SCGB1D4: variants seen among roughly 807,000 people sequenced by gnomAD.
SCGB1D4 encodes secretoglobin family 1D member 4.
A neutral mutation model predicts 8.1 loss-of-function variants in SCGB1D4; 6 were observed. The observed-to-expected ratio is 0.74, with a 90% CI of 0.40 to 1.45. The LOEUF (loss-of-function observed/expected upper bound fraction) is 1.45, where lower values mean the gene tolerates loss of function less well. Ranked by LOEUF, SCGB1D4 falls within the 40% of genes most tolerant of loss-of-function variation. The pLI is 0.02. For synonymous variants in SCGB1D4, 34 were observed against 38.1 expected (o/e 0.89, Z 0.39); for missense variants, 93 against 95.0 (o/e 0.98, Z 0.09).
At position 62,299,016 on chromosome 11, in the gene SCGB1D4, C is replaced by A. The variant is rs1565140130; in HGVS notation, c.-6G>T. 6.2e-7 allele frequency: 1 copy of A among 1,613,142 alleles called. No homozygotes were observed. On this transcript the variant is annotated 5_prime_UTR_variant, in exon 1 of 3. Coordinates refer to ENST00000358585, the MANE Select transcript of SCGB1D4 (RefSeq NM_206998.2). Reference sequence around the variant, plus strand: ...AGACACACTGACAGCCTCATGGTGGCTTATTCGGCTGTGAGCTCAGCTTTC... The same window carrying A: ...AGACACACTGACAGCCTCATGGTGGATTATTCGGCTGTGAGCTCAGCTTTC...
intron 1 of SCGB1D4, 83 bp downstream of exon 1, chr11:62,298,873 C>T: frequency 7.1e-7 from 1 of 1,418,176 alleles, no homozygotes; most frequent in Non-Finnish European, 9.7e-7. Context: ...CAGACCCCAA[C>T]CCAAAGCACA....
intron 1 of SCGB1D4, 140 bp downstream of exon 1, chr11:62,298,816 T>C: frequency 1.7e-6 from 1 of 605,880 alleles, no homozygotes; most frequent in Non-Finnish European, 2.7e-6. Flanking sequence ...TTATGAATCT[T>C]ATTCAACAAG....
Position 62,298,971 on chromosome 11 carries a change from G to A in SCGB1D4, c.40C>T (p.Leu14Phe), listed in dbSNP as rs1050844423. The A allele has an allele frequency of 1.2e-6, 2 of 1,613,960 alleles. No homozygotes were observed. Among genetic ancestry groups the A allele is most frequent in the Non-Finnish European group, 1.7e-6 (2 of 1,179,906 alleles). ...SVCLLMVSLA[L>F]CCYQAHALVC... The stretch of plus-strand genomic sequence containing the variant: ...ATGTACTCACCCTGGTAGCAGCAAA[G>A]GGCCAGCGAGACCATCAGGAGACAC... Residue 14 changes from leucine (L) to phenylalanine (F), a missense_variant, in exon 1 of 3, where the codon CTT becomes TTT. Transcript: ENST00000358585.
At position 62,296,427 on chromosome 11, in the gene SCGB1D4, CA is replaced by C. The variant is rs35328961; in HGVS notation, c.243-9del. 26 of 1,590,990 alleles carry C rather than the reference CA, an allele frequency of 1.6e-5. No homozygotes were observed. Among genetic ancestry groups the C allele is most frequent in the Middle Eastern group, 1.7e-4 (1 of 6,006 alleles). The stretch of plus-strand genomic sequence containing the variant: ...TTTTTTCACTATTTCCACCTGAAAT[CA>C]AAAAAAAGAAAGAAAGAAAGAAAGG... On this transcript the variant is annotated splice_polypyrimidine_tract_variant and intron_variant, in intron 2 of 2. Coordinates refer to ENST00000358585, the MANE Select transcript of SCGB1D4 (RefSeq NM_206998.2).
intron 1 of SCGB1D4, among the ~76,000 whole-genome samples, 200 bp downstream of exon 1, chr11:62,298,756 C>CA (rs5792251): frequency 1.6e-3 from 166 of 102,200 alleles, no homozygotes; most frequent in South Asian, 5.2e-3. Flanking sequence ...CAAAACTTCT[C>CA]AAAAAAAAAA....
chr11:62,298,007 CTT>C (rs1554992405), intron 1 of SCGB1D4, among the ~76,000 whole-genome samples: 2 of 128,616 alleles, frequency 1.6e-5, no homozygotes, highest in South Asian at 2.7e-4. Flanking sequence ...ACCATGCCCG[CTT>C]TTGTGTGTGT....
intron 1 of SCGB1D4, among the ~76,000 whole-genome samples, chr11:62,298,524 C>T (rs1474771470): frequency 6.6e-6 from 1 of 151,982 alleles, no homozygotes; most frequent in Non-Finnish European, 1.5e-5. Flanking sequence ...TTTAGGAGGC[C>T]GAGGCGGGCA....
chr11:62,296,548 A>T, intron 2 of SCGB1D4, 129 bp from the exon 3 acceptor site: 1 of 928,404 alleles, frequency 1.1e-6, no homozygotes. Context: ...CAGAGGCAAG[A>T]ATTCAGTTTG....
rs561119891 is a variant in SCGB1D4, at chr11:62,297,381, G to A, written c.242+91C>T. On this transcript the variant is annotated intron_variant, in intron 2 of 2. Transcript: ENST00000358585. ...GTCCTCAGCACACTCTGGGGACACAGCATCCAGGCAGGTGACCTGACAAGA... is the reference window on the plus strand; with the variant it reads ...GTCCTCAGCACACTCTGGGGACACAACATCCAGGCAGGTGACCTGACAAGA... 2.3e-5 allele frequency: 24 copies of A among 1,027,432 alleles called. No individual in the cohort carries two copies. The South Asian group carries it at 3.4e-4, about 15-fold the overall frequency. 63.6% of individuals were successfully genotyped at this position (1,027,432 alleles called of 1,614,324 possible). A position where few individuals can be genotyped will look rare whatever the true frequency, so the allele number is the denominator to read the frequency against.
chr11:62,297,089 T>C (rs1354671575), intron 2 of SCGB1D4, among the ~76,000 whole-genome samples: 1 of 152,112 alleles, frequency 6.6e-6, no homozygotes, highest in Non-Finnish European at 1.5e-5. Context: ...GAGGAGTGGA[T>C]AGTGGGCCCT....
rs149931773 is a variant in SCGB1D4 at position 62,297,515 on chromosome 11, C to T, written c.199G>A (p.Asp67Asn). 24 of 1,607,468 alleles carry T rather than the reference C, an allele frequency of 1.5e-5. No homozygotes were observed. The highest frequency in any genetic ancestry group is 1.7e-4 in the Middle Eastern group (1 of 6,032). The change falls in exon 2 of 3, where the codon GAT (aspartate) becomes AAT (asparagine). Residue 67 changes from aspartate to asparagine, a missense_variant. By Grantham distance (23) the Asp-to-Asn change is conservative. Transcript: ENST00000358585. ...AAKLEVKHCT[D>N]QISFKKRLSL... ...AGTCGTTTCTTAAAAGATATCTGAT[C>T]GGTGCAGTGCTTCACTTCCAACTTG...
At chr11:62,298,032 GTGT>G (rs1945457409) in intron 1 of SCGB1D4, among the ~76,000 whole-genome samples, 1 of 147,796 alleles carries the variant, frequency 6.8e-6, no homozygotes, top group African/African-American at 2.5e-5. Flanking sequence ...GTGTGTGTGT[GTGT>G]GTGTGTGTGT....
intron 1 of SCGB1D4, among the ~76,000 whole-genome samples, chr11:62,298,003 C>T (rs1945456584): frequency 6.9e-6 from 1 of 145,716 alleles, no homozygotes; most frequent in East Asian, 2.0e-4. Flanking sequence ...TGCCACCATG[C>T]CCGCTTTTGT....
chr11:62,297,685 T>G, intron 1 of SCGB1D4, 27 bp from the exon 2 acceptor site: 1 of 1,602,060 alleles, frequency 6.2e-7, no homozygotes, highest in Non-Finnish European at 8.5e-7. Flanking sequence ...AAAATATTGT[T>G]GATGTTAGGA....
chr11:62,298,773 AAAGG>A (rs1945465383), intron 1 of SCGB1D4, among the ~76,000 whole-genome samples, 179 bp downstream of exon 1: 1 of 150,852 alleles, frequency 6.6e-6, no homozygotes, highest in African/African-American at 2.5e-5. Flanking sequence ...AAAAAAAAAA[AAAGG>A]AAGAAGAAAG....
rs1565139545 is a variant in SCGB1D4 at position 62,297,594 on chromosome 11, A to G, written c.120T>C (p.Ala40=). 1.9e-6 allele frequency: 3 copies of G among 1,614,078 alleles called. No homozygotes were observed. The highest frequency in any genetic ancestry group is 1.7e-5 in the Admixed American group (1 of 60,012). ...EITVFLFLSD[A]AVNLQVAKLN... ...GTTTGGCAACTTGGAGGTTTACCGC[A>G]GCGTCACTTAAGAATAAGAAGACTG... Residue 40 remains alanine, a synonymous_variant, in exon 2 of 3, where the codon GCT becomes GCC. Coordinates refer to ENST00000358585, the MANE Select transcript of SCGB1D4 (RefSeq NM_206998.2).
At chr11:62,298,610 T>G (rs1376209265) in intron 1 of SCGB1D4, among the ~76,000 whole-genome samples, 1 of 151,742 alleles carries the variant, frequency 6.6e-6, no homozygotes, top group African/African-American at 2.4e-5. Flanking sequence ...AATACAAAAT[T>G]AGCCAGCTGT....
At chr11:62,298,078 G>T (rs1945459314) in intron 1 of SCGB1D4, among the ~76,000 whole-genome samples, 1 of 146,036 alleles carries the variant, frequency 6.8e-6, no homozygotes. Context: ...TGTAGAGATG[G>T]GGTTTCGCCA....
At chr11:62,296,603 G>A (rs1453369192) in intron 2 of SCGB1D4, among the ~76,000 whole-genome samples, 184 bp from the exon 3 acceptor site, 1 of 152,170 alleles carries the variant, frequency 6.6e-6, no homozygotes, top group Non-Finnish European at 1.5e-5. Context: ...ACCCATTCTG[G>A]TGAGAAAGCA....
Sources: allele counts gnomAD v4.1 joint callset (sites outside exome capture counted in the v4.1 genomes callset), GRCh38; gene constraint gnomAD v4.1.1; transcripts MANE v1.5; gene names NCBI Gene and HGNC (gene_info 2026-07-23, HGNC 2026-07-21).